The following TICRR variants were observed in gnomAD, a reference collection of about 807,000 sequenced individuals.
The protein encoded by TICRR is treslin.
Under a neutral mutation model 178.1 loss-of-function variants are expected in TICRR, and 132 were observed. The ratio of observed to expected loss-of-function variants is 0.74; its 90% CI spans 0.64 to 0.86. TICRR has a LOEUF of 0.86. Among genes scored for constraint, TICRR ranks in the 40% least tolerant of loss-of-function variants. The pLI, the probability that TICRR is intolerant of heterozygous loss-of-function variation, is 0.00. For missense variants in TICRR, 2,587 were observed against 2,334.3 expected (o/e 1.11, Z -2.23); for synonymous variants, 991 against 900.7 (o/e 1.10, Z -1.79).
chr15:89,621,674 G>A (rs1377325589), intron 19 of TICRR, 124 bp downstream of exon 19: 4 of 775,968 alleles, frequency 5.2e-6, no homozygotes, highest in Non-Finnish European at 8.0e-6. Flanking sequence ...AGAGATTGGA[G>A]GTGACTGGGT....
chr15:89,582,983 T>G lies in TICRR; in HGVS notation c.934+18T>G, dbSNP rs771672690. On this transcript the variant is annotated intron_variant, in intron 2 of 21. Transcript: ENST00000268138. ...TGTTGAAGGTAAGCAAATAATATTT[T>G]AAGGTTTTTTTTTTTTTAAATCTCA... 3 of 1,570,372 alleles carry G rather than the reference T, an allele frequency of 1.9e-6. No individual in the cohort carries two copies. The South Asian group carries it at 3.6e-5, about 19-fold the overall frequency.
At chr15:89,626,104 T>G (rs757645977) in intron 21 of TICRR, 43 bp downstream of exon 21, 5 of 1,599,866 alleles carry the variant, frequency 3.1e-6, no homozygotes, top group Non-Finnish European at 4.3e-6. Flanking sequence ...TGTGACAGAC[T>G]GTCTGAATTC....
At position 89,624,916 on chromosome 15, in the gene TICRR, G is replaced by T; in HGVS notation, c.4606G>T (p.Ala1536Ser). 1.2e-6 allele frequency: 2 copies of T among 1,614,064 alleles called. No individual in the cohort carries two copies. The highest frequency in any genetic ancestry group is 1.7e-6 in the Non-Finnish European group (2 of 1,180,026). Residue 1536 changes from alanine to serine, a missense_variant, in exon 20 of 22, where the codon GCT becomes TCT. Transcript: ENST00000268138. Reference protein sequence around the residue: ...HCTTDGRQCQASAQLDNLPAS... With the variant: ...HCTTDGRQCQSSAQLDNLPAS... Reference sequence around the variant, plus strand: ...TACCACAGATGGGAGACAGTGCCAGGCTTCGGCACAACTAGACAACCTGCC... The same window carrying T: ...TACCACAGATGGGAGACAGTGCCAGTCTTCGGCACAACTAGACAACCTGCC...
At chr15:89,607,467 TTTA>T (rs1310563893) in intron 14 of TICRR, among the ~76,000 whole-genome samples, 3 of 152,092 alleles carry the variant, frequency 2.0e-5, no homozygotes, top group Non-Finnish European at 4.4e-5. Flanking sequence ...TATGTTTAAT[TTTA>T]TTATTATTTG....
In TICRR at chr15:89,616,454, G is replaced by A; in HGVS notation, c.2919G>A (p.Lys973=). The A allele has an allele frequency of 6.2e-7, 1 of 1,614,020 alleles. No homozygotes were observed. Among genetic ancestry groups the A allele is most frequent in the South Asian group, 1.1e-5 (1 of 91,076 alleles). The part of the protein sequence containing the change: ...TKSVAETPVH[K]QISKRLLHRQ... ...GTGTGGCCGAGACTCCAGTGCATAA[G>A]CAGATCTCCAAAAGGCTGCTGCACA... Residue 973 remains lysine, a synonymous_variant, in exon 16 of 22, where the codon AAG becomes AAA. Transcript: ENST00000268138.
chr15:89,596,914 A>G (rs1396616452), intron 7 of TICRR, among the ~76,000 whole-genome samples: 3 of 152,142 alleles, frequency 2.0e-5, no homozygotes, highest in Admixed American at 2.0e-4. Context: ...ATTTTCATTG[A>G]TACTTATTTA....
intron 13 of TICRR, among the ~76,000 whole-genome samples, chr15:89,605,968 CTA>C (rs1438516248): frequency 6.6e-6 from 1 of 152,160 alleles, no homozygotes; most frequent in Non-Finnish European, 1.5e-5. Context: ...TAGCCTCCCT[CTA>C]ATTAATGTAT....
In TICRR at chr15:89,588,883, C is replaced by G. The variant is rs142820040; in HGVS notation, c.1411+2941C>G. On this transcript the variant is annotated intron_variant, in intron 4 of 21. Coordinates refer to ENST00000268138, the MANE Select transcript of TICRR (RefSeq NM_152259.4). ...AGCGTGTAGCCTTTGATGTGAGACT[C>G]AAAGCTGGATTTTTGTCGTTATTTT... is the stretch of plus-strand genomic sequence containing the variant. 8.5e-5 allele frequency among the ~76,000 whole-genome samples: 13 copies of G among 152,098 alleles called. No individual in the cohort carries two copies. In the East Asian group the frequency reaches 1.9e-3, roughly 23 times the overall value.
At position 89,625,253 on chromosome 15, in the gene TICRR, C is replaced by T. The variant is rs1963499105; in HGVS notation, c.4943C>T (p.Thr1648Ile). Residue 1648 changes from threonine (T) to isoleucine (I), a missense_variant, in exon 20 of 22, where the codon ACC becomes ATC. Coordinates refer to ENST00000268138, the MANE Select transcript of TICRR (RefSeq NM_152259.4). ...CAAACCTACATCTGCCAGGCCTGTACCCCCACCCACGGCCCTTCTAGTACC... is the reference window on the plus strand; with the variant it reads ...CAAACCTACATCTGCCAGGCCTGTATCCCCACCCACGGCCCTTCTAGTACC... ...RGQTYICQAC[T>I]PTHGPSSTPS... 6.2e-7 allele frequency: 1 copy of T among 1,612,726 alleles called. No individual in the cohort carries two copies. The highest frequency in any genetic ancestry group is 1.1e-5 in the South Asian group (1 of 91,038).
intron 18 of TICRR, among the ~76,000 whole-genome samples, chr15:89,620,254 G>A (rs1963403098): frequency 6.6e-6 from 1 of 152,158 alleles, no homozygotes; most frequent in African/African-American, 2.4e-5. Flanking sequence ...TGTCACCCAG[G>A]CTGGAGTGCA....
At chr15:89,599,590 A>C (rs1381795511) in intron 8 of TICRR, 115 bp downstream of exon 8, 2 of 1,059,314 alleles carry the variant, frequency 1.9e-6, no homozygotes, top group South Asian at 1.6e-5. Flanking sequence ...TGATTCAAAA[A>C]TGGTAAGATA....
intron 21 of TICRR, 127 bp from the exon 22 acceptor site, chr15:89,626,829 G>A (rs1428291524): frequency 1.4e-5 from 14 of 1,023,994 alleles, no homozygotes; most frequent in South Asian, 6.3e-5. Flanking sequence ...TAGGATAAGC[G>A]AACCTCCAAG....
intron 4 of TICRR, among the ~76,000 whole-genome samples, chr15:89,589,953 C>T (rs1198127509): frequency 6.6e-6 from 1 of 151,066 alleles, no homozygotes; most frequent in Admixed American, 6.6e-5. Flanking sequence ...TTAAAAACAA[C>T]AAAAAAAAGT....
chr15:89,613,539 G>A (rs540849349), intron 15 of TICRR, among the ~76,000 whole-genome samples: 10 of 152,096 alleles, frequency 6.6e-5, no homozygotes, highest in African/African-American at 2.2e-4. Flanking sequence ...CTGGACTTCC[G>A]GTATGTGTGT....
At chr15:89,600,436 A>G in intron 8 of TICRR, 149 bp from the exon 9 acceptor site, 1 of 448,510 alleles carries the variant, frequency 2.2e-6, no homozygotes, top group East Asian at 3.6e-5. Flanking sequence ...TTAAAGATAT[A>G]AAAGAAGAAT....
rs1271305251 is a variant in TICRR, at chr15:89,599,456, A to C, written c.2033A>C (p.Lys678Thr). 6.2e-7 allele frequency: 1 copy of C among 1,612,804 alleles called. No homozygotes were observed. ...ISTVKMFLKSKGTKELEVNCL... is the reference protein window; with the variant it reads ...ISTVKMFLKSTGTKELEVNCL... ...ACCGTTAAAATGTTCCTAAAATCAA[A>C]AGGCACCAAGGAATTAGAAGTAAGA... Residue 678 changes from lysine (K) to threonine (T), a missense_variant, in exon 8 of 22, where the codon AAA (lysine) becomes ACA (threonine). Physicochemically the swap from Lys to Thr is moderately conservative, Grantham distance 78. Coordinates refer to ENST00000268138, the MANE Select transcript of TICRR (RefSeq NM_152259.4).
chr15:89,602,796 G>GA lies in TICRR; in HGVS notation c.2573dup (p.Asn858LysfsTer7). 2 of 1,451,556 alleles carry GA rather than the reference G, an allele frequency of 1.4e-6. No homozygotes were observed. Among genetic ancestry groups the GA allele is most frequent in the Non-Finnish European group, 9.1e-7 (1 of 1,095,914 alleles). 89.9% of individuals were successfully genotyped at this position (1,451,556 alleles called of 1,614,324 possible). A position where few individuals can be genotyped will look rare whatever the true frequency, so the allele number is the denominator to read the frequency against. On this transcript the variant is annotated frameshift_variant and splice_region_variant, in exon 13 of 22. Coordinates refer to ENST00000268138, the MANE Select transcript of TICRR (RefSeq NM_152259.4). LOFTEE classifies it high-confidence loss of function. ...TATTAACTATTTCTATTTTTAAAAG[G>GA]AAAAATGCATTAATAAGACATAAAA... is the stretch of plus-strand genomic sequence containing the variant.
intron 4 of TICRR, among the ~76,000 whole-genome samples, chr15:89,587,682 G>T (rs1183875983): frequency 6.6e-6 from 1 of 152,162 alleles, no homozygotes; most frequent in Non-Finnish European, 1.5e-5. Context: ...GAGCAATGTG[G>T]ATGCTCGGGA....
intron 13 of TICRR, among the ~76,000 whole-genome samples, chr15:89,604,686 G>A (rs924290760): frequency 3.4e-5 from 5 of 149,008 alleles, no homozygotes; most frequent in Non-Finnish European, 5.9e-5. Context: ...TAGGAGGATC[G>A]CTTGAGCCTG....
Sources: gnomAD v4.1 joint callset for allele counts (sites outside exome capture counted in the v4.1 genomes callset) on GRCh38, gnomAD v4.1.1 for gene constraint, MANE v1.5 for transcripts, NCBI Gene and HGNC (gene_info 2026-07-23, HGNC 2026-07-21) for gene names.